The following PIEZO2 variants were observed in gnomAD, a reference collection of about 807,000 sequenced individuals.
PIEZO2 encodes the protein piezo type mechanosensitive ion channel component 2, also known as piezo-type mechanosensitive ion channel component 2.
Under a neutral mutation model 337.3 loss-of-function variants are expected in PIEZO2, and 172 were observed. The ratio of observed to expected loss-of-function variants is 0.51; its 90% CI spans 0.45 to 0.58. The LOEUF is 0.58. Ranked by LOEUF, PIEZO2 falls within the 20% of genes least tolerant of loss-of-function variation. PIEZO2 has a pLI of 0.00. For missense variants in PIEZO2, 3,028 were observed against 3,391.3 expected, an observed-to-expected ratio of 0.89 and a Z score of 2.66; for synonymous variants, 1,251 against 1,228.5, an observed-to-expected ratio of 1.02 and a Z score of -0.38.
At chr18:11,106,941 G>A (rs1044875552) in intron 1 of PIEZO2, among the ~76,000 whole-genome samples, 2 of 152,090 alleles carry the variant, frequency 1.3e-5, no homozygotes, top group Non-Finnish European at 1.5e-5. Context: ...ATAAGCTCAG[G>A]GACTTCCCTA....
At chr18:10,841,012 C>T (rs867005524) in intron 7 of PIEZO2, among the ~76,000 whole-genome samples, 4 of 152,280 alleles carry the variant, frequency 2.6e-5, no homozygotes, top group Middle Eastern at 6.8e-3. Context: ...TTGCCAGCAT[C>T]GTGATCTGAG....
chr18:10,744,259 G>C (rs2037337970), intron 30 of PIEZO2, 28 bp from the exon 31 acceptor site: 2 of 1,359,358 alleles, frequency 1.5e-6, no homozygotes, highest in African/African-American at 2.9e-5. Context: ...ACATGAACAA[G>C]TCAATATTCT....
chr18:10,984,787 G>C (rs2034805247), intron 2 of PIEZO2, among the ~76,000 whole-genome samples: 1 of 152,064 alleles, frequency 6.6e-6, no homozygotes, highest in Non-Finnish European at 1.5e-5. Context: ...TCATAGAAAA[G>C]CATTATGATC....
intron 35 of PIEZO2, among the ~76,000 whole-genome samples, chr18:10,733,674 T>A (rs1307959486): frequency 6.6e-6 from 1 of 152,154 alleles, no homozygotes; most frequent in Non-Finnish European, 1.5e-5. Flanking sequence ...GGTCTCGATC[T>A]CCTGACCTCG....
Position 10,680,244 on chromosome 18 carries a change from T to C in PIEZO2, c.7907A>G (p.Asp2636Gly). Residue 2636 changes from aspartate to glycine, a missense_variant, in exon 52 of 56, where the codon GAC (aspartate) becomes GGC (glycine). Coordinates refer to ENST00000674853, the MANE Select transcript of PIEZO2 (RefSeq NM_001378183.1). Reference sequence around the variant, plus strand: ...AACAACAGAGAAGCTACTATTGGGGTCCAGGAGTTCGTGTATCATTTTCTG... The same window carrying C: ...AACAACAGAGAAGCTACTATTGGGGCCCAGGAGTTCGTGTATCATTTTCTG... ...SKQKMIHELLDPNSSFSVVFS... is the reference protein window; with the variant it reads ...SKQKMIHELLGPNSSFSVVFS... 1.2e-6 allele frequency: 2 copies of C among 1,614,012 alleles called. No individual in the cohort carries two copies. Among genetic ancestry groups the C allele is most frequent in the Non-Finnish European group, 8.5e-7 (1 of 1,179,886 alleles).
intron 7 of PIEZO2, among the ~76,000 whole-genome samples, chr18:10,852,713 A>C (rs1378452862): frequency 6.6e-6 from 1 of 152,184 alleles, no homozygotes; most frequent in Non-Finnish European, 1.5e-5. Context: ...CTCAACAAGA[A>C]GACAAAAAGC....
At chr18:10,778,001 C>T (rs946505846) in intron 18 of PIEZO2, among the ~76,000 whole-genome samples, 1 of 152,138 alleles carries the variant, frequency 6.6e-6, no homozygotes, top group African/African-American at 2.4e-5. Flanking sequence ...AAAATGTTAT[C>T]AAAGTGGCCT....
chr18:11,007,113 T>A (rs1408860455), intron 2 of PIEZO2, among the ~76,000 whole-genome samples: 1 of 152,208 alleles, frequency 6.6e-6, no homozygotes, highest in African/African-American at 2.4e-5. Flanking sequence ...TATCAAACAC[T>A]AGATTTTATT....
rs946207224 is a variant in PIEZO2, at chr18:10,746,783, C to A, written c.4424+1688G>T. Among the ~76,000 whole-genome samples, 3 of 152,124 alleles carry A rather than the reference C, an allele frequency of 2.0e-5. No individual in the cohort carries two copies. Among genetic ancestry groups the A allele is most frequent in the Non-Finnish European group, 4.4e-5 (3 of 68,024 alleles). ...GATGGCCATCTATGAGGAAGTGGGC[C>A]CTCGGCCGACACTGAATCTGCTCGA... On this transcript the variant is annotated intron_variant, in intron 30 of 55. Transcript: ENST00000674853. This position sits in a 1 kb window ranked among gnomAD's most constrained non-coding sequence, Gnocchi z 4.2.
chr18:11,129,317 CTCAACTGT>C lies in PIEZO2; in HGVS notation c.64+19200_64+19207del, dbSNP rs1434116065. Among the ~76,000 whole-genome samples the C allele has an allele frequency of 6.7e-4, 102 of 152,300 alleles. No homozygotes were observed. The highest frequency in any genetic ancestry group is 2.4e-3 in the African/African-American group (100 of 41,578). On this transcript the variant is annotated intron_variant, in intron 1 of 55. Transcript: ENST00000674853. This position sits in a 1 kb window ranked among gnomAD's most constrained non-coding sequence, Gnocchi z 4.6. ...AGGTGGCAGGGACCAAGTGGCAGCA[CTCAACTGT>C]CAAAGGCAAGGTAGGCGTAGCTACC...
At chr18:10,857,329 A>C (rs1164133967) in intron 5 of PIEZO2, 118 bp from the exon 6 acceptor site, 16 of 844,290 alleles carry the variant, frequency 1.9e-5, no homozygotes, top group Non-Finnish European at 2.4e-5. Context: ...GATCAGGAAA[A>C]AAGGGAAGAC....
rs954418310 is a variant in PIEZO2, at chr18:10,861,137, T to G, written c.493-3926A>C. Among the ~76,000 whole-genome samples the G allele has an allele frequency of 1.3e-5, 2 of 152,238 alleles. No individual in the cohort carries two copies. Among genetic ancestry groups the G allele is most frequent in the Non-Finnish European group, 2.9e-5 (2 of 68,050 alleles). On this transcript the variant is annotated intron_variant, in intron 5 of 55. Transcript: ENST00000674853. This position sits in a 1 kb window ranked among gnomAD's most constrained non-coding sequence, Gnocchi z 4.3. ...ACTGAACCTCTGAAAGAGCATGGAC[T>G]CACTCTCGCATGTTTACTAACAGGC... is the stretch of plus-strand genomic sequence containing the variant.
rs1181090466 is a variant in PIEZO2, at chr18:10,763,067, G to T, written c.2978C>A (p.Ser993Tyr). ...GGCGTACGGCAGAGCAAAAGCCCAA[G>T]AAATCAAAAATACATAGTTGAACAG... ...VSLFNYVFLI[S>Y]WAFALPYAKL... Residue 993 changes from serine (S) to tyrosine (Y), a missense_variant, in exon 22 of 56, where the codon TCT (serine) becomes TAT (tyrosine). By Grantham distance (144) the Ser-to-Tyr change is moderately radical (BLOSUM62 -2). Coordinates refer to ENST00000674853, the MANE Select transcript of PIEZO2 (RefSeq NM_001378183.1). 6.5e-6 allele frequency: 10 copies of T among 1,537,114 alleles called. No individual in the cohort carries two copies. The highest frequency in any genetic ancestry group is 1.4e-5 in the African/African-American group (1 of 73,028).
At chr18:10,675,370 C>T in intron 53 of PIEZO2, 82 bp from the exon 54 acceptor site, 2 of 770,714 alleles carry the variant, frequency 2.6e-6, no homozygotes, top group Non-Finnish European at 4.1e-6. Flanking sequence ...TTATTGTTGA[C>T]CTTGTATCAC....
At position 10,691,291 on chromosome 18, in the gene PIEZO2, G is replaced by A; in HGVS notation, c.7283C>T (p.Pro2428Leu). 2 of 1,614,036 alleles carry A rather than the reference G, an allele frequency of 1.2e-6. No homozygotes were observed. Among genetic ancestry groups the A allele is most frequent in the Non-Finnish European group, 1.7e-6 (2 of 1,179,992 alleles). Reference sequence around the variant, plus strand: ...GAGGAAGTTCCCCAGGACTCGCGTTGGGTAGCCACAACGGATCTGGTAAGC... The same window carrying A: ...GAGGAAGTTCCCCAGGACTCGCGTTAGGTAGCCACAACGGATCTGGTAAGC... ...LSAYQIRCGY[P>L]TRVLGNFLTK... Residue 2428 changes from proline (P) to leucine (L), a missense_variant, in exon 48 of 56, where the codon CCA (proline) becomes CTA (leucine). This residue lies in a region of PIEZO2 where 179 missense variants were observed against 281.8 expected (regional missense o/e 0.64). Transcript: ENST00000674853.
At chr18:10,950,886 C>G (rs2033261125) in intron 3 of PIEZO2, among the ~76,000 whole-genome samples, 1 of 152,206 alleles carries the variant, frequency 6.6e-6, no homozygotes, top group African/African-American at 2.4e-5. Flanking sequence ...GAAGCAGTCT[C>G]CTTTTCTAAA....
At chr18:10,695,170 T>G (rs527818599) in intron 47 of PIEZO2, among the ~76,000 whole-genome samples, 1 of 152,252 alleles carries the variant, frequency 6.6e-6, no homozygotes, top group Non-Finnish European at 1.5e-5. Context: ...GATCATTTGT[T>G]CATCCATGAG....
chr18:10,799,773 G>A (rs2039739898), intron 11 of PIEZO2, among the ~76,000 whole-genome samples: 1 of 152,148 alleles, frequency 6.6e-6, no homozygotes, highest in African/African-American at 2.4e-5. Context: ...AGGAGTTTGA[G>A]ACCAGTCTGG....
chr18:10,740,623 T>C, intron 33 of PIEZO2: 1 of 266,192 alleles, frequency 3.8e-6, no homozygotes, highest in South Asian at 4.9e-5. Context: ...AGAATGATCA[T>C]CCTTAAATCA....
Sources: gnomAD v4.1 joint callset for allele counts (sites outside exome capture counted in the v4.1 genomes callset) on GRCh38, gnomAD v4.1.1 for gene constraint, gnomAD v4.1.1 regional missense constraint, Gnocchi (gnomAD v3.1) non-coding constraint, MANE v1.5 for transcripts, NCBI Gene and HGNC (gene_info 2026-07-23, HGNC 2026-07-21) for gene names.